Variants in KRIT1 observed in about 807,000 individuals in gnomAD.
KRIT1 encodes the protein krev interaction trapped protein 1.
Under a neutral mutation model 95.8 loss-of-function variants are expected in KRIT1, and 45 were observed. The observed-to-expected ratio is 0.47, with a 90% CI of 0.37 to 0.60. The LOEUF (loss-of-function observed/expected upper bound fraction) is 0.60, where lower values mean the gene tolerates loss of function less well. Ranked by LOEUF, KRIT1 falls within the 20% of genes least tolerant of loss-of-function variation. The pLI is 0.00. For synonymous variants in KRIT1, 282 were observed against 278.8 expected, an observed-to-expected ratio of 1.01 and a Z score of -0.11; for missense variants, 788 against 877.5, an observed-to-expected ratio of 0.90 and a Z score of 1.29.
At chr7:92,224,110 T>C (rs1036718298) in intron 12 of KRIT1, among the ~76,000 whole-genome samples, 21 of 152,196 alleles carry the variant, frequency 1.4e-4, no homozygotes, top group East Asian at 1.9e-4. Flanking sequence ...GTGTGTAACA[T>C]TAAAGGCAGA....
At chr7:92,201,568 G>C (rs190971420) in intron 17 of KRIT1, 145 bp from the exon 18 acceptor site, 2 of 636,356 alleles carry the variant, frequency 3.1e-6, no homozygotes, top group Non-Finnish European at 5.7e-6. Flanking sequence ...TAAGTTCTGG[G>C]GTACACGTGC....
rs1180476377 is a variant in KRIT1 at position 92,222,869 on chromosome 7, TGAGA to T, written c.1360_1363del (p.Ser454LysfsTer40). 1 of 1,609,942 alleles carries T rather than the reference TGAGA, an allele frequency of 6.2e-7. No homozygotes were observed. Among genetic ancestry groups the T allele is most frequent in the Non-Finnish European group, 8.5e-7 (1 of 1,176,418 alleles). ...TATAGTGAAATATTGCTGAGTTTCTTGAGAGAGACGCATTCCTTCCATTATCTGC... is the reference window on the plus strand; with the variant it reads ...TATAGTGAAATATTGCTGAGTTTCTTGAGACGCATTCCTTCCATTATCTGC... On this transcript the variant is annotated frameshift_variant, in exon 13 of 19. Coordinates refer to ENST00000394505, the MANE Select transcript of KRIT1 (RefSeq NM_194454.3). LOFTEE classifies it high-confidence loss of function.
In KRIT1 at chr7:92,231,350, T is replaced by G. The variant is rs1297614890; in HGVS notation, c.989+3099A>C. On this transcript the variant is annotated intron_variant, in intron 10 of 18. Coordinates refer to ENST00000394505, the MANE Select transcript of KRIT1 (RefSeq NM_194454.3). ...GTTAACATATATAGGTATTGTTATTTTTAATACACATGGAATATTTTTCAG... is the reference window on the plus strand; with the variant it reads ...GTTAACATATATAGGTATTGTTATTGTTAATACACATGGAATATTTTTCAG... 2.0e-5 allele frequency among the ~76,000 whole-genome samples: 3 copies of G among 152,210 alleles called. No individual in the cohort carries two copies. The East Asian group carries it at 5.8e-4, about 29-fold the overall frequency.
At chr7:92,242,526 A>T (rs1293286960) in intron 3 of KRIT1, among the ~76,000 whole-genome samples, 2 of 152,264 alleles carry the variant, frequency 1.3e-5, no homozygotes, top group Admixed American at 1.3e-4. Context: ...ATAGTGATTC[A>T]GAATAATATA....
intron 10 of KRIT1, 48 bp downstream of exon 10, chr7:92,234,401 T>TA (rs1385896702): frequency 7.3e-7 from 1 of 1,376,546 alleles, no homozygotes; most frequent in Non-Finnish European, 1.0e-6. Context: ...ACATTTATAA[T>TA]AAAAAATGTA....
At chr7:92,225,197 T>C (rs558855349) in intron 12 of KRIT1, among the ~76,000 whole-genome samples, 34 of 152,302 alleles carry the variant, frequency 2.2e-4, no homozygotes, top group Admixed American at 1.4e-3. Flanking sequence ...ATAGAAATTA[T>C]ATGAAAATTT....
intron 17 of KRIT1, among the ~76,000 whole-genome samples, chr7:92,211,182 T>C (rs969256655): frequency 3.3e-5 from 5 of 152,174 alleles, no homozygotes; most frequent in Non-Finnish European, 7.4e-5. Context: ...CTACTGAGTA[T>C]TCTTCCAAAG....
chr7:92,212,027 T>G (rs1792966118), intron 17 of KRIT1, among the ~76,000 whole-genome samples: 1 of 151,842 alleles, frequency 6.6e-6, no homozygotes, highest in Non-Finnish European at 1.5e-5. Flanking sequence ...ATTGCTTGAG[T>G]CCATGAGTTC....
intron 4 of KRIT1, 36 bp downstream of exon 4, chr7:92,241,998 C>T (rs765055882): frequency 9.5e-7 from 1 of 1,053,168 alleles, no homozygotes; most frequent in Non-Finnish European, 1.5e-6. Flanking sequence ...GAATGACATT[C>T]AATGGTAGAA....
chr7:92,216,702 T>C (rs1472442984), intron 14 of KRIT1, among the ~76,000 whole-genome samples: 1 of 152,198 alleles, frequency 6.6e-6, no homozygotes, highest in African/African-American at 2.4e-5. Flanking sequence ...ACTTGTGATC[T>C]AATGAATGGT....
chr7:92,201,245 TA>T, intron 18 of KRIT1, 61 bp downstream of exon 18: 2 of 840,364 alleles, frequency 2.4e-6, no homozygotes, highest in Non-Finnish European at 4.1e-6. Context: ...GTCACTTTTT[TA>T]AAAAAAGAAG....
intron 17 of KRIT1, 129 bp downstream of exon 17, chr7:92,213,066 C>T: frequency 1.5e-6 from 1 of 652,478 alleles, no homozygotes; most frequent in Non-Finnish European, 2.7e-6. Flanking sequence ...GTCCCCCTTC[C>T]TCTTATGTAA....
chr7:92,206,556 A>G (rs371479249), intron 17 of KRIT1: 6 of 152,244 alleles, frequency 3.9e-5, no homozygotes, highest in African/African-American at 1.2e-4. Flanking sequence ...TCCAACCAAC[A>G]CTATAGCTAC....
intron 17 of KRIT1, among the ~76,000 whole-genome samples, chr7:92,209,685 A>G (rs1448422145): frequency 6.6e-6 from 1 of 152,230 alleles, no homozygotes; most frequent in Non-Finnish European, 1.5e-5. Context: ...GAAAACTACA[A>G]AACACTGATG....
At chr7:92,237,591 A>G in intron 6 of KRIT1, 76 bp downstream of exon 6, 1 of 770,658 alleles carries the variant, frequency 1.3e-6, no homozygotes, top group Non-Finnish European at 2.2e-6. Flanking sequence ...ATGAATGCAA[A>G]TTCTTAACTT....
chr7:92,239,013 A>C (rs1799009066), intron 5 of KRIT1, among the ~76,000 whole-genome samples: 1 of 152,260 alleles, frequency 6.6e-6, no homozygotes, highest in South Asian at 2.1e-4. Context: ...TTATATAAGG[A>C]ATCTTATTAC....
intron 3 of KRIT1, among the ~76,000 whole-genome samples, chr7:92,243,562 AG>A (rs1423935832): frequency 6.6e-6 from 1 of 151,630 alleles, no homozygotes; most frequent in African/African-American, 2.4e-5. Context: ...GAGGCGATAG[AG>A]TAATTTATCC....
At position 92,235,438 on chromosome 7, in the gene KRIT1, G is replaced by T. The variant is rs748697858; in HGVS notation, c.694C>A (p.Pro232Thr). 9 of 1,613,472 alleles carry T rather than the reference G, an allele frequency of 5.6e-6. No homozygotes were observed. The highest frequency in any genetic ancestry group is 7.6e-6 in the Non-Finnish European group (9 of 1,179,642). ...TACTGAAGATCTGATCCAAACAAAG[G>T]GTTGTAAATACAGGTATCTGCTTTC... Reference protein sequence around the residue: ...LEKADTCIYNPLFGSDLQYTN... With the variant: ...LEKADTCIYNTLFGSDLQYTN... Residue 232 changes from proline (P) to threonine (T), a missense_variant, in exon 8 of 19, where the codon CCT becomes ACT. By Grantham distance (38) the Pro-to-Thr change is conservative. Coordinates refer to ENST00000394505, the MANE Select transcript of KRIT1 (RefSeq NM_194454.3).
chr7:92,209,108 G>C (rs1218731871), intron 17 of KRIT1, among the ~76,000 whole-genome samples: 1 of 151,788 alleles, frequency 6.6e-6, no homozygotes, highest in Non-Finnish European at 1.5e-5. Flanking sequence ...GTTTCAATAA[G>C]TGCAGAAAAA....
Sources: allele counts gnomAD v4.1 joint callset (sites outside exome capture counted in the v4.1 genomes callset), GRCh38; gene constraint gnomAD v4.1.1; transcripts MANE v1.5; gene names NCBI Gene and HGNC (gene_info 2026-07-23, HGNC 2026-07-21).